GALNT13: variants seen among roughly 807,000 people sequenced by gnomAD.
GALNT13 encodes the protein polypeptide N-acetylgalactosaminyltransferase 13.
Under a neutral mutation model 64.2 loss-of-function variants are expected in GALNT13, and 28 were observed. The observed-to-expected ratio is 0.44, with a 90% CI of 0.32 to 0.60. GALNT13 has a LOEUF of 0.60. Among genes scored for constraint, GALNT13 ranks in the 20% least tolerant of loss-of-function variants. The pLI is 0.05. For synonymous variants in GALNT13, 214 were observed against 224.6 expected (o/e 0.95, Z 0.42); for missense variants, 577 against 669.8 (o/e 0.86, Z 1.53).
chr2:153,763,442 A>C, the GALNT13 span, among the ~76,000 whole-genome samples: 3 of 152,176 alleles, frequency 2.0e-5, no homozygotes, highest in Non-Finnish European at 4.4e-5. Context: ...AGTTTTCCCC[A>C]TACTGTTGTC....
At chr2:153,828,495 G>C in the GALNT13 span, among the ~76,000 whole-genome samples, 3 of 152,306 alleles carry the variant, frequency 2.0e-5, no homozygotes, top group South Asian at 6.2e-4. Flanking sequence ...CAGGGCCCAA[G>C]TTGTACCTTG....
the GALNT13 span, among the ~76,000 whole-genome samples, chr2:153,460,371 T>C: frequency 6.6e-6 from 1 of 152,124 alleles, no homozygotes; most frequent in Admixed American, 6.6e-5. Flanking sequence ...GATAAATGTA[T>C]AGAGACCTCA....
the GALNT13 span, among the ~76,000 whole-genome samples, chr2:153,674,282 T>C: frequency 1.2e-3 from 179 of 152,220 alleles, no homozygotes; most frequent in African/African-American, 4.1e-3. Context: ...GGAGGCATCA[T>C]GCTACCTGAC....
At chr2:154,017,963 T>C (rs867402865) in intron 3 of GALNT13, among the ~76,000 whole-genome samples, 1 of 152,234 alleles carries the variant, frequency 6.6e-6, no homozygotes, top group African/African-American at 2.4e-5. Flanking sequence ...TGCTTACTTT[T>C]TGTTATTATC....
chr2:153,590,668 A>C, the GALNT13 span, among the ~76,000 whole-genome samples: 1 of 152,212 alleles, frequency 6.6e-6, no homozygotes. Context: ...GTGGTTAAAC[A>C]TATGCAAATC....
chr2:153,679,581 AAGACATCTGTG>A, the GALNT13 span, among the ~76,000 whole-genome samples: 1 of 151,914 alleles, frequency 6.6e-6, no homozygotes, highest in Non-Finnish European at 1.5e-5. Context: ...TGTTAAACAG[AAGACATCTGTG>A]GATGTCTTCA....
intron 3 of GALNT13, among the ~76,000 whole-genome samples, chr2:154,037,748 T>TTTCTTTTTATAC: frequency 6.6e-6 from 1 of 152,276 alleles, no homozygotes; most frequent in South Asian, 2.1e-4. Context: ...GAAAGTAATC[T>TTTCTTTTTATAC]TTTTTATAAA....
At chr2:153,178,770 C>T in the GALNT13 span, among the ~76,000 whole-genome samples, 128 of 119,636 alleles carry the variant, frequency 1.1e-3, 2 homozygotes, top group Non-Finnish European at 1.8e-4. Context: ...GAGTCTTGCT[C>T]TGTTGCCCAG....
the GALNT13 span, among the ~76,000 whole-genome samples, chr2:153,822,793 G>T: frequency 6.6e-6 from 1 of 152,214 alleles, no homozygotes; most frequent in African/African-American, 2.4e-5. Context: ...GCAATAGAAA[G>T]AAATAAAAGG....
intron 3 of GALNT13, among the ~76,000 whole-genome samples, chr2:154,114,974 C>T (rs371165664): frequency 6.6e-6 from 1 of 152,196 alleles, no homozygotes; most frequent in East Asian, 1.9e-4. Context: ...AGTTGAGTGA[C>T]TGTGGTTCCC....
chr2:153,885,462 G>GTT (rs753415517), intron 1 of GALNT13, among the ~76,000 whole-genome samples: 12 of 150,870 alleles, frequency 8.0e-5, no homozygotes, highest in African/African-American at 2.4e-4. Context: ...ACAGCTTAAT[G>GTT]GTTTTTTTTG....
chr2:153,630,793 ATATATATATATATATTTT>A, the GALNT13 span, among the ~76,000 whole-genome samples: 54 of 13,254 alleles, frequency 4.1e-3, 1 homozygote, highest in South Asian at 0.017. Context: ...ATATATATAT[ATATATATATATATATTTT>A]TTTTTTTTTT....
the GALNT13 span, among the ~76,000 whole-genome samples, chr2:153,255,882 C>T: frequency 1.3e-5 from 2 of 152,182 alleles, no homozygotes; most frequent in Non-Finnish European, 2.9e-5. Context: ...TCACCTTTCT[C>T]TCTGGCTGTC....
chr2:153,140,388 G>T, the GALNT13 span, among the ~76,000 whole-genome samples: 9 of 151,982 alleles, frequency 5.9e-5, no homozygotes, highest in African/African-American at 1.4e-4. Context: ...TACAACAAAG[G>T]ACAGGTTGTC....
chr2:153,831,056 T>C, the GALNT13 span, among the ~76,000 whole-genome samples: 1 of 152,220 alleles, frequency 6.6e-6, no homozygotes, highest in African/African-American at 2.4e-5. Context: ...AAAGACATGA[T>C]AGAGTCTGTT....
chr2:154,330,724 T>G (rs1238550875), intron 9 of GALNT13, among the ~76,000 whole-genome samples: 3 of 152,100 alleles, frequency 2.0e-5, no homozygotes, highest in Non-Finnish European at 4.4e-5. Context: ...GATCAAAAAT[T>G]CATAGTTCTA....
the GALNT13 span, among the ~76,000 whole-genome samples, chr2:153,273,276 A>T: frequency 1.3e-5 from 2 of 152,166 alleles, no homozygotes; most frequent in Admixed American, 6.5e-5. Flanking sequence ...TTAAAGTATA[A>T]TTTTTTTAAA....
intron 8 of GALNT13, among the ~76,000 whole-genome samples, chr2:154,280,974 C>T (rs1310815135): frequency 1.3e-5 from 2 of 152,036 alleles, no homozygotes; most frequent in South Asian, 2.1e-4. Context: ...AATTATACAA[C>T]GAGGAAAACA....
chr2:153,505,227 T>C, the GALNT13 span, among the ~76,000 whole-genome samples: 2 of 152,166 alleles, frequency 1.3e-5, no homozygotes, highest in African/African-American at 4.8e-5. Context: ...GTATATCCCA[T>C]TTCATTTCTA....
Sources: allele counts gnomAD v4.1 joint callset (sites outside exome capture counted in the v4.1 genomes callset), GRCh38; gene constraint gnomAD v4.1.1; transcripts MANE v1.5; gene names NCBI Gene and HGNC (gene_info 2026-07-23, HGNC 2026-07-21).